OPA3: variants seen among roughly 807,000 people sequenced by gnomAD.
OPA3 encodes optic atrophy 3 protein.
OPA3 carries 6 observed loss-of-function variants against 4.0 expected under a neutral mutation model. The observed-to-expected ratio is 1.51, with a 90% confidence interval of 0.83 to 2.99. OPA3 has a LOEUF of 2.99. Among genes scored for constraint, OPA3 ranks in the 30% most tolerant of loss-of-function variants. The probability of loss-of-function intolerance (pLI) is 0.00; values close to 1 mark genes in which losing one functional copy is unlikely to be tolerated. For missense variants in OPA3, 235 were observed against 256.2 expected (o/e 0.92, Z 0.56); for synonymous variants, 105 against 117.1 (o/e 0.90, Z 0.67).
chr19:45,543,755 T>C (rs1969213945), downstream of OPA3, among the ~76,000 whole-genome samples: 1 of 152,146 alleles, frequency 6.6e-6, no homozygotes, highest in African/African-American at 2.4e-5. Context: ...GTGTGAACAC[T>C]GCAACTGGCC....
In OPA3 at chr19:45,553,368, C is replaced by T. The variant is rs1181282047; in HGVS notation, c.*146G>A. ...TGGTCCCAGTGGCAGGTAACGGCTG[C>T]TCTTATCAGCAGGGGTAACCAAATG... On this transcript the variant is annotated 3_prime_UTR_variant, in exon 2 of 2. Transcript: ENST00000263275. 2 of 1,550,046 alleles carry T rather than the reference C, an allele frequency of 1.3e-6. No homozygotes were observed. Among genetic ancestry groups the T allele is most frequent in the African/African-American group, 2.7e-5 (2 of 73,842 alleles).
intron 1 of OPA3, among the ~76,000 whole-genome samples, chr19:45,554,808 T>C (rs1192666940): frequency 1.3e-5 from 2 of 152,248 alleles, no homozygotes; most frequent in Non-Finnish European, 1.5e-5. Flanking sequence ...GTTGTTGTTT[T>C]AGAGACGGAG....
At chr19:45,584,216 G>A (rs1969897485) in intron 1 of OPA3, 1 of 400,176 alleles carries the variant, frequency 2.5e-6, no homozygotes. Context: ...TGAGGCACAC[G>A]GTGCCGCTTT....
Position 45,549,824 on chromosome 19 carries a change from C to T in OPA3, c.*3690G>A. 1 of 985,476 alleles carries T rather than the reference C, an allele frequency of 1.0e-6. No homozygotes were observed. Among genetic ancestry groups the T allele is most frequent in the Non-Finnish European group, 1.2e-6 (1 of 830,080 alleles). 61.0% of individuals were successfully genotyped at this position (985,476 alleles called of 1,614,324 possible). A position where few individuals can be genotyped will look rare whatever the true frequency, so the allele number is the denominator to read the frequency against. On this transcript the variant is annotated 3_prime_UTR_variant, in exon 2 of 2. Transcript: ENST00000263275. ...CACTCAGGACCCACTCGGTCAGTTC[C>T]CTCTGCTCCAGCTTCTCCCCCTCTT...
chr19:45,574,776 C>T (rs186887220), intron 1 of OPA3, among the ~76,000 whole-genome samples: 50 of 152,302 alleles, frequency 3.3e-4, no homozygotes, highest in African/African-American at 7.0e-4. Context: ...GTGGAAATGA[C>T]GCTGGAAGAT....
chr19:45,564,747 ACTAT>A (rs1171096801), intron 1 of OPA3, among the ~76,000 whole-genome samples: 6 of 152,096 alleles, frequency 3.9e-5, no homozygotes, highest in Non-Finnish European at 5.9e-5. Flanking sequence ...AAATACACCA[ACTAT>A]CTCTTTTTTA....
chr19:45,530,279 G>A (rs1168601643), intron 1 of OPA3, among the ~76,000 whole-genome samples: 1 of 152,048 alleles, frequency 6.6e-6, no homozygotes, highest in South Asian at 2.1e-4. Context: ...GCTTGAAACA[G>A]GGAGGCAGAG....
intron 1 of OPA3, among the ~76,000 whole-genome samples, chr19:45,539,053 A>G (rs1969153582): frequency 6.6e-6 from 1 of 152,192 alleles, no homozygotes; most frequent in Non-Finnish European, 1.5e-5. Context: ...AAAGGGCAGG[A>G]AAAACTGCCA....
At chr19:45,529,556 G>A in intron 1 of OPA3, 1 of 1,435,174 alleles carries the variant, frequency 7.0e-7, no homozygotes, top group Non-Finnish European at 9.8e-7. Context: ...ATGGGGATGT[G>A]GTCACCACAA....
At chr19:45,543,876 T>C (rs185014048), downstream of OPA3, among the ~76,000 whole-genome samples, 3 of 152,342 alleles carry the variant, frequency 2.0e-5, no homozygotes, top group African/African-American at 4.8e-5. Context: ...TCAAGGTTCC[T>C]GCTGGTTTTC....
At chr19:45,542,678 T>G (rs902113333), downstream of OPA3, among the ~76,000 whole-genome samples, 8 of 147,216 alleles carry the variant, frequency 5.4e-5, 1 homozygote, top group Middle Eastern at 3.4e-3. Flanking sequence ...TTTTTTTTTT[T>G]TTTTTTTTTT....
chr19:45,574,023 C>T (rs1429783182), intron 1 of OPA3, among the ~76,000 whole-genome samples: 2 of 149,612 alleles, frequency 1.3e-5, no homozygotes, highest in South Asian at 4.2e-4. Flanking sequence ...ATTAGCTGGG[C>T]GTGGTGGCAG....
rs955375965 is a variant in OPA3, at chr19:45,548,656, T to A, written c.*4858A>T. 17 of 655,280 alleles carry A rather than the reference T, an allele frequency of 2.6e-5. No individual in the cohort carries two copies. The highest frequency in any genetic ancestry group is 3.8e-5 in the African/African-American group (1 of 25,982). The allele number at this position is 655,280 out of a possible 1,614,324, so 40.6% of individuals were successfully genotyped here. A position where few individuals can be genotyped will look rare whatever the true frequency, so the allele number is the denominator to read the frequency against. On this transcript the variant is annotated 3_prime_UTR_variant, in exon 2 of 2. Transcript: ENST00000263275. ...ACTCAGTGAGTTTTGTGTTTTATTT[T>A]TTTTATTTTTTTTTTTTTTGCGGGA...
chr19:45,542,306 C>T (rs1197325150), downstream of OPA3, among the ~76,000 whole-genome samples: 2 of 152,210 alleles, frequency 1.3e-5, no homozygotes, highest in Admixed American at 6.6e-5. Flanking sequence ...CCGGCTAGTA[C>T]AGCCGTGCAC....
At position 45,550,689 on chromosome 19, in the gene OPA3, C is replaced by T; in HGVS notation, c.*2825G>A. On this transcript the variant is annotated 3_prime_UTR_variant, in exon 2 of 2. Coordinates refer to ENST00000263275, the MANE Select transcript of OPA3 (RefSeq NM_025136.4). ...TCTTGGGCCTCTCCCCATCAGAACC[C>T]TCCCAGTTTCCCTCCTGATTTTAAT... 2.0e-6 allele frequency: 2 copies of T among 985,996 alleles called. No individual in the cohort carries two copies. The highest frequency in any genetic ancestry group is 2.4e-6 in the Non-Finnish European group (2 of 830,168). 61.1% of individuals were successfully genotyped at this position (985,996 alleles called of 1,614,324 possible).
Position 45,580,663 on chromosome 19 carries a change from A to G in OPA3, c.142+3960T>C, listed in dbSNP as rs573265394. 1.4e-4 allele frequency among the ~76,000 whole-genome samples: 19 copies of G among 140,114 alleles called. No individual in the cohort carries two copies. The South Asian group carries it at 2.8e-3, about 20-fold the overall frequency. 91.9% of individuals were successfully genotyped at this position (140,114 alleles called of 152,430 possible). A position where few individuals can be genotyped will look rare whatever the true frequency, so the allele number is the denominator to read the frequency against. Reference sequence around the variant, plus strand: ...AGACAGAGTCTCGCTCTGTCGCCCAAGCTGGAGTGCAGTGGTGTGATCTTG... The same window carrying G: ...AGACAGAGTCTCGCTCTGTCGCCCAGGCTGGAGTGCAGTGGTGTGATCTTG... On this transcript the variant is annotated intron_variant, in intron 1 of 1. Transcript: ENST00000263275.
intron 1 of OPA3, among the ~76,000 whole-genome samples, chr19:45,531,135 C>T (rs1448949409): frequency 6.6e-6 from 1 of 151,512 alleles, no homozygotes; most frequent in Non-Finnish European, 1.5e-5. Context: ...TTGCTTTGTG[C>T]AATGCTTTGT....
Position 45,550,574 on chromosome 19 carries a change from C to T in OPA3, c.*2940G>A. The stretch of plus-strand genomic sequence containing the variant: ...CACTCTGCCCCTACTACTTCACCAC[C>T]CTGGGCAGTCAGCCCCTCACTGGCT... On this transcript the variant is annotated 3_prime_UTR_variant, in exon 2 of 2. Coordinates refer to ENST00000263275, the MANE Select transcript of OPA3 (RefSeq NM_025136.4). 1 of 986,242 alleles carries T rather than the reference C, an allele frequency of 1.0e-6. No homozygotes were observed. Among genetic ancestry groups the T allele is most frequent in the Non-Finnish European group, 1.2e-6 (1 of 830,540 alleles). The allele number at this position is 986,242 out of a possible 1,614,324, so 61.1% of individuals were successfully genotyped here.
At position 45,578,115 on chromosome 19, in the gene OPA3, C is replaced by A. The variant is rs539070607; in HGVS notation, c.142+6508G>T. ...TGTTCATTCCTGAGTGAAGGCTGAA[C>A]TAACTTTGGGAGAAACTTAGTTTAT... On this transcript the variant is annotated intron_variant, in intron 1 of 1. Transcript: ENST00000263275. Among the ~76,000 whole-genome samples the A allele has an allele frequency of 3.3e-5, 5 of 152,350 alleles. No homozygotes were observed. The South Asian group carries it at 1.0e-3, about 32-fold the overall frequency.
Sources: allele counts gnomAD v4.1 joint callset (sites outside exome capture counted in the v4.1 genomes callset), GRCh38; gene constraint gnomAD v4.1.1; transcripts MANE v1.5; gene names NCBI Gene and HGNC (gene_info 2026-07-23, HGNC 2026-07-21).